Variants in LSAMP observed in about 807,000 individuals in gnomAD.
LSAMP encodes limbic system associated membrane protein, also known as limbic system-associated membrane protein.
A neutral mutation model predicts 38.6 loss-of-function variants in LSAMP; 7 were observed. The observed-to-expected ratio is 0.18, with a 90% CI of 0.10 to 0.34. LSAMP has a LOEUF of 0.34. Ranked by LOEUF, LSAMP falls within the 10% of genes least tolerant of loss-of-function variation. The pLI is 1.00. For missense variants in LSAMP, 313 were observed against 420.0 expected, an observed-to-expected ratio of 0.75 and a Z score of 2.23; for synonymous variants, 154 against 166.8, an observed-to-expected ratio of 0.92 and a Z score of 0.59.
At chr3:116,311,261 A>G (rs2047553915) in intron 1 of LSAMP, among the ~76,000 whole-genome samples, 1 of 152,178 alleles carries the variant, frequency 6.6e-6, no homozygotes, top group Non-Finnish European at 1.5e-5. Context: ...TACTTTCAAT[A>G]TTAAAGTCAG....
intron 1 of LSAMP, among the ~76,000 whole-genome samples, chr3:116,327,450 T>G (rs551824690): frequency 6.6e-6 from 1 of 152,170 alleles, no homozygotes; most frequent in Non-Finnish European, 1.5e-5. Context: ...TTCTTCAGGA[T>G]TTTATCCTCT....
chr3:116,082,468 T>A (rs1174740514), intron 2 of LSAMP, among the ~76,000 whole-genome samples: 2 of 152,126 alleles, frequency 1.3e-5, no homozygotes, highest in Non-Finnish European at 2.9e-5. Flanking sequence ...CTGGATGTGG[T>A]TCTCTGGAAT....
At chr3:116,274,627 G>C (rs1323616340) in intron 1 of LSAMP, among the ~76,000 whole-genome samples, 1 of 152,026 alleles carries the variant, frequency 6.6e-6, no homozygotes, top group Admixed American at 6.6e-5. Context: ...CTATGGTTTA[G>C]GTGAAGTTAA....
chr3:116,444,205 A>T (rs1273257386), intron 1 of LSAMP, among the ~76,000 whole-genome samples: 1 of 152,070 alleles, frequency 6.6e-6, no homozygotes, highest in Non-Finnish European at 1.5e-5. Flanking sequence ...TCTGCTCTTC[A>T]TATCTTGTGT....
At chr3:115,850,873 AG>A (rs1274862023) in intron 4 of LSAMP, among the ~76,000 whole-genome samples, 2 of 152,208 alleles carry the variant, frequency 1.3e-5, no homozygotes, top group Non-Finnish European at 1.5e-5. Context: ...CAGCTCTCCA[AG>A]CCTCAGTTTC....
chr3:115,861,765 A>G (rs995636795), intron 3 of LSAMP, among the ~76,000 whole-genome samples: 2 of 152,192 alleles, frequency 1.3e-5, no homozygotes, highest in Non-Finnish European at 2.9e-5. Flanking sequence ...TTCCTGGGAC[A>G]TACTGTGGAG....
intron 4 of LSAMP, among the ~76,000 whole-genome samples, chr3:115,848,743 T>C (rs1935238166): frequency 6.6e-6 from 1 of 152,096 alleles, no homozygotes; most frequent in African/African-American, 2.4e-5. Context: ...AAAGGAGTTG[T>C]GAGAAGTGAC....
intron 2 of LSAMP, among the ~76,000 whole-genome samples, chr3:116,049,649 A>G (rs573317065): frequency 6.6e-6 from 1 of 152,196 alleles, no homozygotes; most frequent in African/African-American, 2.4e-5. Context: ...GACGCTACCC[A>G]TATGTTCCTG....
intron 3 of LSAMP, among the ~76,000 whole-genome samples, chr3:115,996,529 T>G (rs1222083916): frequency 2.6e-5 from 4 of 151,838 alleles, no homozygotes; most frequent in Admixed American, 6.6e-5. Flanking sequence ...CCCCTTAAAT[T>G]AAAAAAAACA....
intron 1 of LSAMP, among the ~76,000 whole-genome samples, chr3:116,099,509 G>A (rs73858536): frequency 1.3e-5 from 2 of 152,082 alleles, no homozygotes; most frequent in Non-Finnish European, 1.5e-5. Flanking sequence ...TTAATATTCT[G>A]CAGGAAACTG....
rs537729460 is a variant in LSAMP, at chr3:116,096,214, G to GT, written c.156-9659dup. The stretch of plus-strand genomic sequence containing the variant: ...GTAGTAGGTACTTCCTCAGATTGTT[G>GT]TAACTATTAAACAGGATATATTTGG... On this transcript the variant is annotated intron_variant, in intron 1 of 6. Transcript: ENST00000490035. Among the ~76,000 whole-genome samples, 536 of 152,308 alleles carry GT rather than the reference G, an allele frequency of 3.5e-3. 7 individuals carry two copies. Among genetic ancestry groups the GT allele is most frequent in the Non-Finnish European group, 5.3e-3 (361 of 68,018 alleles).
intron 1 of LSAMP, among the ~76,000 whole-genome samples, chr3:116,309,565 A>G (rs1246979502): frequency 1.3e-5 from 2 of 151,880 alleles, no homozygotes; most frequent in African/African-American, 4.8e-5. Context: ...CAAGAGGACC[A>G]CTCCCCAGCT....
intron 1 of LSAMP, among the ~76,000 whole-genome samples, chr3:116,236,971 TATAC>T (rs751593194): frequency 7.5e-4 from 51 of 68,422 alleles, no homozygotes; most frequent in East Asian, 2.7e-3. Flanking sequence ...TATGCATATA[TATAC>T]ATATATACAC....
intron 1 of LSAMP, among the ~76,000 whole-genome samples, chr3:116,224,586 C>T (rs1237475914): frequency 6.6e-6 from 1 of 152,220 alleles, no homozygotes; most frequent in African/African-American, 2.4e-5. Flanking sequence ...AACGTGTTCA[C>T]GTTCTAGTTC....
chr3:116,252,856 C>A (rs1231233475), intron 1 of LSAMP, among the ~76,000 whole-genome samples: 1 of 152,170 alleles, frequency 6.6e-6, no homozygotes, highest in Non-Finnish European at 1.5e-5. Context: ...AACTCTGACC[C>A]CCATTGTCAA....
intron 1 of LSAMP, among the ~76,000 whole-genome samples, chr3:116,401,272 A>C (rs2048838284): frequency 6.6e-6 from 1 of 151,958 alleles, no homozygotes; most frequent in South Asian, 2.1e-4. Flanking sequence ...TCATACTACA[A>C]TCTCCCTTGG....
At chr3:116,337,969 A>G (rs906535814) in intron 1 of LSAMP, among the ~76,000 whole-genome samples, 8 of 152,088 alleles carry the variant, frequency 5.3e-5, no homozygotes, top group Non-Finnish European at 7.4e-5. Flanking sequence ...AGGTAGGTCC[A>G]GTCTGAAAAC....
chr3:116,090,676 G>A (rs9822570), intron 1 of LSAMP, among the ~76,000 whole-genome samples: 22,485 of 152,068 alleles, frequency 0.15, 1,735 homozygotes, highest in Non-Finnish European at 0.17. Flanking sequence ...ACAAAAGAGA[G>A]AAATTTTAAA....
chr3:115,844,120 T>C (rs1044272174), intron 4 of LSAMP, among the ~76,000 whole-genome samples: 3 of 152,236 alleles, frequency 2.0e-5, no homozygotes, highest in African/African-American at 7.2e-5. Flanking sequence ...GGGAATCCTA[T>C]TTTAATGATT....
Sources: gnomAD v4.1 joint callset for allele counts (sites outside exome capture counted in the v4.1 genomes callset) on GRCh38, gnomAD v4.1.1 for gene constraint, MANE v1.5 for transcripts, NCBI Gene and HGNC (gene_info 2026-07-23, HGNC 2026-07-21) for gene names.